MON2: variants seen among roughly 807,000 people sequenced by gnomAD.
MON2 encodes MON2 regulator of endosome-to-Golgi trafficking.
A neutral mutation model predicts 208.6 loss-of-function variants in MON2; 84 were observed. The ratio of observed to expected loss-of-function variants is 0.40; its 90% CI spans 0.34 to 0.48. The LOEUF (loss-of-function observed/expected upper bound fraction) is 0.48, where lower values mean the gene tolerates loss of function less well. Among genes scored for constraint, MON2 ranks in the 20% least tolerant of loss-of-function variants. The pLI, the probability that MON2 is intolerant of heterozygous loss-of-function variation, is 0.59. For synonymous variants in MON2, 660 were observed against 694.0 expected (o/e 0.95, Z 0.77); for missense variants, 1,611 against 2,015.4 (o/e 0.80, Z 3.84).
At position 62,560,809 on chromosome 12, in the gene MON2, C is replaced by T. The variant is rs769259346; in HGVS notation, c.3728C>T (p.Ala1243Val). 8.7e-6 allele frequency: 14 copies of T among 1,613,898 alleles called. No homozygotes were observed. Among genetic ancestry groups the T allele is most frequent in the South Asian group, 2.2e-5 (2 of 91,090 alleles). The change falls in exon 26 of 35, where the codon GCG becomes GTG. Residue 1243 changes from alanine to valine, a missense_variant. Physicochemically the swap from Ala to Val is moderately conservative, Grantham distance 64. Transcript: ENST00000393630. ...GAAGATTTGAATCTATGGTGGGCTGCGTGGAATACCTGGTATAGAATTGGA... is the reference window on the plus strand; with the variant it reads ...GAAGATTTGAATCTATGGTGGGCTGTGTGGAATACCTGGTATAGAATTGGA... ...ELEDLNLWWA[A>V]WNTWYRIGSE...
At chr12:62,508,069 C>T (rs2071195725) in intron 7 of MON2, among the ~76,000 whole-genome samples, 1 of 152,142 alleles carries the variant, frequency 6.6e-6, no homozygotes, top group African/African-American at 2.4e-5. Context: ...CTATGCTGGG[C>T]TCTGATGACT....
intron 34 of MON2, among the ~76,000 whole-genome samples, chr12:62,591,345 A>ACACC (rs2075391385): frequency 6.6e-6 from 1 of 152,174 alleles, no homozygotes; most frequent in East Asian, 1.9e-4. Context: ...TCTTCTTATC[A>ACACC]CACCCACCCT....
At chr12:62,518,622 T>C (rs147146423) in intron 8 of MON2, among the ~76,000 whole-genome samples, 2 of 152,294 alleles carry the variant, frequency 1.3e-5, no homozygotes, top group East Asian at 3.9e-4. Context: ...GTCCCTTTAA[T>C]TGGTGGGGGT....
At chr12:62,578,822 A>G (rs1319245188) in intron 31 of MON2, among the ~76,000 whole-genome samples, 1 of 152,252 alleles carries the variant, frequency 6.6e-6, no homozygotes, top group Non-Finnish European at 1.5e-5. Flanking sequence ...CTTACTCTGC[A>G]GTTTGACATA....
In MON2 at chr12:62,599,140, G is replaced by T. The variant is rs971090443; in HGVS notation, c.*6391G>T. On this transcript the variant is annotated 3_prime_UTR_variant, in exon 35 of 35. Coordinates refer to ENST00000393630, the MANE Select transcript of MON2 (RefSeq NM_015026.3). ...GGAAAAAAAAAATTATAGAGTAAAG[G>T]GGAAATGTTCTTGAGAGCTTTATTA... 2 of 151,980 alleles carry T rather than the reference G, an allele frequency of 1.3e-5. No homozygotes were observed. The highest frequency in any genetic ancestry group is 2.9e-5 in the Non-Finnish European group (2 of 67,952). The allele number at this position is 151,980 out of a possible 1,614,324, so 9.4% of individuals were successfully genotyped here. A position where few individuals can be genotyped will look rare whatever the true frequency, so the allele number is the denominator to read the frequency against.
rs767379655 is a variant in MON2, at chr12:62,565,229, T to C, written c.4033-8T>C. 24 of 1,611,302 alleles carry C rather than the reference T, an allele frequency of 1.5e-5. No individual in the cohort carries two copies. Among genetic ancestry groups the C allele is most frequent in the Non-Finnish European group, 2.0e-5 (24 of 1,178,494 alleles). On this transcript the variant is annotated splice_polypyrimidine_tract_variant and splice_region_variant and intron_variant, in intron 26 of 34. Coordinates refer to ENST00000393630, the MANE Select transcript of MON2 (RefSeq NM_015026.3). ...ATGCATTCTAATGTTCTTATTTTGC[T>C]TTTATAGGCCATTTGTGTAGGACCA...
rs2070841944 is a variant in MON2, at chr12:62,501,713, GTA to G, written c.789+17_789+18del. 2 of 1,612,828 alleles carry G rather than the reference GTA, an allele frequency of 1.2e-6. No homozygotes were observed. Among genetic ancestry groups the G allele is most frequent in the African/African-American group, 2.7e-5 (2 of 74,870 alleles). ...TCTTTTTACAAGTAAGCCATTTATA[GTA>G]TCTTGTGACAAAGTTAATCTGAATT... On this transcript the variant is annotated intron_variant, in intron 7 of 34. Coordinates refer to ENST00000393630, the MANE Select transcript of MON2 (RefSeq NM_015026.3).
At position 62,560,407 on chromosome 12, in the gene MON2, G is replaced by A. The variant is rs2074153665; in HGVS notation, c.3410-84G>A. On this transcript the variant is annotated intron_variant, in intron 25 of 34. Coordinates refer to ENST00000393630, the MANE Select transcript of MON2 (RefSeq NM_015026.3). ...GTAGGATTTTAAGCAGAAAAATTAA[G>A]CAAATATGCTTTCAAGTGTCTAATA... The A allele has an allele frequency of 2.2e-6, 3 of 1,350,456 alleles. No individual in the cohort carries two copies. In the South Asian group the frequency reaches 4.4e-5, roughly 20 times the overall value. 83.7% of individuals were successfully genotyped at this position (1,350,456 alleles called of 1,614,324 possible). A position where few individuals can be genotyped will look rare whatever the true frequency, so the allele number is the denominator to read the frequency against.
Position 62,495,944 on chromosome 12 carries a change from CT to C in MON2, c.435+802del, listed in dbSNP as rs1482913660. ...AAGAGCCATTCTATTATTTATTTCA[CT>C]TTTTAAAAAGTTTTTTATTATGAAA... On this transcript the variant is annotated intron_variant, in intron 4 of 34. Transcript: ENST00000393630. 5.3e-5 allele frequency among the ~76,000 whole-genome samples: 8 copies of C among 151,920 alleles called. No homozygotes were observed. The East Asian group carries it at 1.5e-3, about 29-fold the overall frequency.
Position 62,560,549 on chromosome 12 carries a change from C to A in MON2, c.3468C>A (p.Ser1156Arg). The A allele has an allele frequency of 6.2e-7, 1 of 1,613,834 alleles. No individual in the cohort carries two copies. The highest frequency in any genetic ancestry group is 8.5e-7 in the Non-Finnish European group (1 of 1,179,934). ...LLDHIQSAAL[S>R]KNNEVSLAAL... is the part of the protein sequence containing the mutation. ...ACCATATACAGTCAGCAGCACTCAG[C>A]AAAAACAATGAAGTATCTCTGGCTG... The change falls in exon 26 of 35, where the codon AGC (serine) becomes AGA (arginine). Residue 1156 changes from serine to arginine, a missense_variant. Ser to Arg is a moderately radical substitution (Grantham distance 110). Coordinates refer to ENST00000393630, the MANE Select transcript of MON2 (RefSeq NM_015026.3).
chr12:62,530,180 C>T (rs1487206745), intron 11 of MON2, among the ~76,000 whole-genome samples: 2 of 151,650 alleles, frequency 1.3e-5, no homozygotes, highest in African/African-American at 4.8e-5. Flanking sequence ...CACCAATCTG[C>T]TTTCTACTTT....
At chr12:62,470,846 G>C (rs1259956416) in intron 1 of MON2, 4 of 580,132 alleles carry the variant, frequency 6.9e-6, no homozygotes, top group East Asian at 2.8e-4. Flanking sequence ...TTTTGAAAGA[G>C]AGTAATATGA....
At chr12:62,590,194 G>A (rs998861963) in intron 34 of MON2, among the ~76,000 whole-genome samples, 6 of 152,064 alleles carry the variant, frequency 3.9e-5, no homozygotes, top group Non-Finnish European at 7.4e-5. Flanking sequence ...GGGCTCAAGC[G>A]ATCCTCCCGT....
intron 34 of MON2, among the ~76,000 whole-genome samples, chr12:62,590,010 G>C (rs2136508619): frequency 6.6e-6 from 1 of 152,228 alleles, no homozygotes; most frequent in Non-Finnish European, 1.5e-5. Flanking sequence ...TTAAGAAAAA[G>C]AATGACTTCA....
At chr12:62,500,614 A>AT (rs201677867) in intron 5 of MON2, among the ~76,000 whole-genome samples, 169 bp from the exon 6 acceptor site, 19 of 151,188 alleles carry the variant, frequency 1.3e-4, no homozygotes, top group South Asian at 4.2e-4. Context: ...ACAGATTCCC[A>AT]TTTTTTTTTG....
chr12:62,524,735 T>C (rs1008979948), intron 9 of MON2, 96 bp downstream of exon 9: 10 of 1,193,016 alleles, frequency 8.4e-6, no homozygotes, highest in African/African-American at 4.6e-5. Flanking sequence ...CAGAAGACTT[T>C]TGGTATTTAT....
At chr12:62,535,359 GGTTAT>G (rs1307331131) in intron 13 of MON2, among the ~76,000 whole-genome samples, 161 bp from the exon 14 acceptor site, 7 of 152,032 alleles carry the variant, frequency 4.6e-5, no homozygotes, top group South Asian at 2.1e-4. Flanking sequence ...AAATTTTTGA[GGTTAT>G]GTTAATAGAT....
At chr12:62,550,515 T>A (rs1249315583) in intron 23 of MON2, among the ~76,000 whole-genome samples, 1 of 152,046 alleles carries the variant, frequency 6.6e-6, no homozygotes, top group Non-Finnish European at 1.5e-5. Flanking sequence ...GACCCAGACC[T>A]TGTCTCTGTA....
At chr12:62,512,778 T>A (rs1404742067) in intron 8 of MON2, among the ~76,000 whole-genome samples, 1 of 152,116 alleles carries the variant, frequency 6.6e-6, no homozygotes, top group Non-Finnish European at 1.5e-5. Context: ...CTAGCAGAGG[T>A]TCTCCATGAA....
Sources: gnomAD v4.1 joint callset for allele counts (sites outside exome capture counted in the v4.1 genomes callset) on GRCh38, gnomAD v4.1.1 for gene constraint, MANE v1.5 for transcripts, NCBI Gene and HGNC (gene_info 2026-07-23, HGNC 2026-07-21) for gene names.